The following DHDDS variants were observed in gnomAD, a reference collection of about 807,000 sequenced individuals.
The protein encoded by DHDDS is dehydrodolichyl diphosphate synthase complex subunit DHDDS.
In DHDDS, 16 loss-of-function variants were observed where a neutral mutation model predicts 46.2. That is an observed-to-expected ratio of 0.35 (90% CI 0.23 to 0.53). The LOEUF (loss-of-function observed/expected upper bound fraction) is 0.53. DHDDS is among the 20% of genes least tolerant of loss of function. DHDDS has a pLI of 0.94. For missense variants in DHDDS, 340 were observed against 423.7 expected (o/e 0.80, Z 1.73); for synonymous variants, 151 against 163.1 (o/e 0.93, Z 0.56).
intron 6 of DHDDS, among the ~76,000 whole-genome samples, chr1:26,455,575 C>A (rs190236298): frequency 6.6e-6 from 1 of 152,182 alleles, no homozygotes; most frequent in East Asian, 1.9e-4. Context: ...GGTAAAACCC[C>A]GTCTTTACTC....
At chr1:26,437,241 G>A (rs369470736) in intron 2 of DHDDS, among the ~76,000 whole-genome samples, 1 of 152,040 alleles carries the variant, frequency 6.6e-6, no homozygotes, top group Non-Finnish European at 1.5e-5. Flanking sequence ...TTTTCCACCT[G>A]TAAAATGAAG....
chr1:26,443,022 A>G, intron 4 of DHDDS, 149 bp downstream of exon 4: 2 of 1,363,198 alleles, frequency 1.5e-6, no homozygotes. Context: ...TATCAGAAAT[A>G]CAAGATAGTC....
chr1:26,458,005 G>C, intron 7 of DHDDS, 100 bp downstream of exon 7: 4 of 1,019,308 alleles, frequency 3.9e-6, no homozygotes, highest in Non-Finnish European at 6.1e-6. Flanking sequence ...AAACAGGCTG[G>C]GGCCAGAGTA....
In DHDDS at chr1:26,469,277, T is replaced by C; in HGVS notation, c.*146T>C. On this transcript the variant is annotated 3_prime_UTR_variant, in exon 9 of 9. Coordinates refer to ENST00000236342, the MANE Select transcript of DHDDS (RefSeq NM_205861.3). The stretch of plus-strand genomic sequence containing the variant: ...GGGGAGCCCCCCAGGCCAGGTTTGC[T>C]GGCCATAGATACCTTTGGGCTGCCT... The C allele has an allele frequency of 6.8e-7, 1 of 1,476,606 alleles. No individual in the cohort carries two copies. Among genetic ancestry groups the C allele is most frequent in the South Asian group, 1.2e-5 (1 of 84,282 alleles). The allele number at this position is 1,476,606 out of a possible 1,614,324, so 91.5% of individuals were successfully genotyped here.
rs891583071 is a variant in DHDDS, at chr1:26,455,489, G to A, written c.543-2302G>A. Among the ~76,000 whole-genome samples, 57 of 152,174 alleles carry A rather than the reference G, an allele frequency of 3.7e-4. 1 individual carries two copies. Among genetic ancestry groups the A allele is most frequent in the Non-Finnish European group, 4.4e-5 (3 of 68,034 alleles). ...TGGCTGGGTGCAGTGGCTCACACCT[G>A]TAATCCCAGCACTTTGGGAGGCCGA... On this transcript the variant is annotated intron_variant, in intron 6 of 8. Coordinates refer to ENST00000236342, the MANE Select transcript of DHDDS (RefSeq NM_205861.3).
intron 6 of DHDDS, chr1:26,454,601 TCCC>T: frequency 6.5e-6 from 6 of 916,674 alleles, no homozygotes; most frequent in Non-Finnish European, 8.5e-6. Context: ...TTTTTTTTTT[TCCC>T]TTTTAATTAC....
At chr1:26,453,554 C>T (rs1438682184) in intron 6 of DHDDS, among the ~76,000 whole-genome samples, 2 of 152,016 alleles carry the variant, frequency 1.3e-5, no homozygotes, top group South Asian at 2.1e-4. Context: ...CTCATAAGTT[C>T]GAGACCAGCC....
At position 26,457,781 on chromosome 1, in the gene DHDDS, C is replaced by T. The variant is rs1326477506; in HGVS notation, c.543-10C>T. ...GTGTGCCTCTCTTTGTCTCTTCTTG[C>T]TCATCTTAGTGATATCTCTGAGTCT... On this transcript the variant is annotated splice_polypyrimidine_tract_variant and intron_variant, in intron 6 of 8. Transcript: ENST00000236342. 5.0e-6 allele frequency: 8 copies of T among 1,593,748 alleles called. No homozygotes were observed. Among genetic ancestry groups the T allele is most frequent in the Non-Finnish European group, 6.9e-6 (8 of 1,161,840 alleles).
intron 8 of DHDDS, among the ~76,000 whole-genome samples, chr1:26,465,089 G>A (rs1409471939): frequency 2.6e-5 from 4 of 152,180 alleles, no homozygotes; most frequent in East Asian, 1.9e-4. Context: ...GGCCAGGGAG[G>A]GGGTGTGCGG....
At chr1:26,468,146 T>C (rs748145605) in intron 8 of DHDDS, among the ~76,000 whole-genome samples, 12 of 152,190 alleles carry the variant, frequency 7.9e-5, no homozygotes, top group African/African-American at 2.4e-5. Flanking sequence ...AAAGAGTGGA[T>C]TGTGAACACT....
rs1263173915 is a variant in DHDDS, at chr1:26,438,177, A to G, written c.73A>G (p.Met25Val). 1.9e-6 allele frequency: 3 copies of G among 1,613,756 alleles called. No homozygotes were observed. Among genetic ancestry groups the G allele is most frequent in the South Asian group, 1.1e-5 (1 of 91,068 alleles). ...FCANIIKAGP[M>V]PKHIAFIMDG... ...TCTTCCTATTCCACAGGCAGGCCCA[A>G]TGCCGAAACACATTGCATTCATAAT... The change falls in exon 3 of 9, where the codon ATG (methionine) becomes GTG (valine). Residue 25 changes from methionine (M) to valine (V), a missense_variant. Physicochemically the swap from Met to Val is conservative, Grantham distance 21. Coordinates refer to ENST00000236342, the MANE Select transcript of DHDDS (RefSeq NM_205861.3).
At chr1:26,433,078 T>C in intron 2 of DHDDS, 70 bp downstream of exon 2, 1 of 1,528,942 alleles carries the variant, frequency 6.5e-7, no homozygotes, top group Admixed American at 1.7e-5. Context: ...AACCTGTTAT[T>C]AAAGTTGATG....
At chr1:26,432,570 G>T (rs2075114894) in intron 1 of DHDDS, 194 bp downstream of exon 1, 2 of 306,764 alleles carry the variant, frequency 6.5e-6, no homozygotes, top group Non-Finnish European at 1.3e-5. Context: ...AGATGGAGAA[G>T]GAAGAAACGG....
chr1:26,434,820 A>AT (rs67223673), intron 2 of DHDDS, among the ~76,000 whole-genome samples: 1,975 of 129,136 alleles, frequency 0.015, 23 homozygotes, highest in Middle Eastern at 0.031. Flanking sequence ...TGCCTGGCTA[A>AT]TTTTTTTTTT....
intron 6 of DHDDS, among the ~76,000 whole-genome samples, chr1:26,448,954 A>G (rs2075294383): frequency 6.6e-6 from 1 of 152,184 alleles, no homozygotes; most frequent in Non-Finnish European, 1.5e-5. Flanking sequence ...ACTTGGTGAG[A>G]ATAGAATTAG....
In DHDDS at chr1:26,447,592, C is replaced by T; in HGVS notation, c.474C>T (p.Ser158=). 6.2e-7 allele frequency: 1 copy of T among 1,614,192 alleles called. No individual in the cohort carries two copies. Among genetic ancestry groups the T allele is most frequent in the Non-Finnish European group, 8.5e-7 (1 of 1,180,040 alleles). The change falls in exon 6 of 9, where the codon TCC becomes TCT. Residue 158 remains serine, a synonymous_variant. Transcript: ENST00000236342. ...TGAATGTCTGTTTTGCATACACATC[C>T]CGTCATGAGATCAGCAATGCTGTGA... is the stretch of plus-strand genomic sequence containing the variant. ...CFLNVCFAYT[S]RHEISNAVRE...
At chr1:26,468,811 G>GGCCCCCCCCCCA in intron 8 of DHDDS, 84 bp from the exon 9 acceptor site, 6 of 637,984 alleles carry the variant, frequency 9.4e-6, no homozygotes, top group Non-Finnish European at 1.3e-5. Context: ...CCCACCCTGT[G>GGCCCCCCCCCCA]CCCCACCCCC....
chr1:26,451,404 ATGTGTGTGTGTGTGTG>A (rs35376620), intron 6 of DHDDS, among the ~76,000 whole-genome samples: 173 of 136,036 alleles, frequency 1.3e-3, no homozygotes, highest in Middle Eastern at 7.4e-3. Flanking sequence ...ATGTATGTAG[ATGTGTGTGTGTGTGTG>A]TGTGTGTGTG....
intron 6 of DHDDS, chr1:26,448,272 C>T (rs1238770363): frequency 6.7e-6 from 1 of 150,142 alleles, no homozygotes; most frequent in Non-Finnish European, 1.4e-5. Flanking sequence ...CTCCCAGGTT[C>T]AAGCAATTCT....
Sources: gnomAD v4.1 joint callset for allele counts (sites outside exome capture counted in the v4.1 genomes callset) on GRCh38, gnomAD v4.1.1 for gene constraint, MANE v1.5 for transcripts, NCBI Gene and HGNC (gene_info 2026-07-23, HGNC 2026-07-21) for gene names.